CCDC158: variants seen among roughly 807,000 people sequenced by gnomAD.
The protein encoded by CCDC158 is coiled-coil domain containing 158.
A neutral mutation model predicts 138.6 loss-of-function variants in CCDC158; 116 were observed. The ratio of observed to expected loss-of-function variants is 0.84; its 90% CI spans 0.72 to 0.98. The LOEUF (loss-of-function observed/expected upper bound fraction) is 0.98, where lower values mean the gene tolerates loss of function less well. Among genes scored for constraint, CCDC158 ranks in the 50% least tolerant of loss-of-function variants. The pLI, the probability that CCDC158 is intolerant of heterozygous loss-of-function variation, is 0.00. For synonymous variants in CCDC158, 436 were observed against 442.4 expected, an observed-to-expected ratio of 0.99 and a Z score of 0.18; for missense variants, 1,265 against 1,306.1, an observed-to-expected ratio of 0.97 and a Z score of 0.48.
intron 9 of CCDC158, among the ~76,000 whole-genome samples, chr4:76,377,724 AC>A (rs751321263): frequency 2.6e-5 from 4 of 152,196 alleles, no homozygotes; most frequent in Non-Finnish European, 5.9e-5. Flanking sequence ...TGTTGAGTGT[AC>A]CCTTTAAGCA....
chr4:76,321,585 A>G (rs2110075016), intron 24 of CCDC158, among the ~76,000 whole-genome samples: 1 of 147,054 alleles, frequency 6.8e-6, no homozygotes, highest in East Asian at 2.0e-4. Context: ...CATGGTGTGT[A>G]TATATATATA....
chr4:76,387,499 C>T (rs1274644124), intron 4 of CCDC158, among the ~76,000 whole-genome samples: 1 of 151,906 alleles, frequency 6.6e-6, no homozygotes, highest in East Asian at 1.9e-4. Context: ...CCAGCCTGAC[C>T]AACATGGTGA....
At chr4:76,339,627 A>T (rs891659040) in intron 18 of CCDC158, among the ~76,000 whole-genome samples, 11 of 152,230 alleles carry the variant, frequency 7.2e-5, no homozygotes, top group Non-Finnish European at 1.6e-4. Flanking sequence ...AAGTCTTTGA[A>T]TGTTTACATA....
At position 76,384,260 on chromosome 4, in the gene CCDC158, A is replaced by T. The variant is rs1560456369; in HGVS notation, c.554T>A (p.Val185Glu). The change falls in exon 6 of 25, where the codon GTG (valine) becomes GAG (glutamate). Residue 185 changes from valine to glutamate, a missense_variant. Transcript: ENST00000682701. ...LRKMMLSHEG[V>E]LQEIRSILVD... is the part of the protein sequence containing the mutation. ...TAGGATTGACCGGATTTCTTGAAGC[A>T]CTCCCTCATGACTAAGCATCATTTT... 2.5e-6 allele frequency: 4 copies of T among 1,613,678 alleles called. No individual in the cohort carries two copies. The highest frequency in any genetic ancestry group is 3.4e-6 in the Non-Finnish European group (4 of 1,179,920).
intron 23 of CCDC158, among the ~76,000 whole-genome samples, chr4:76,325,191 G>A (rs941535448): frequency 2.6e-5 from 4 of 152,232 alleles, no homozygotes; most frequent in African/African-American, 9.6e-5. Flanking sequence ...TTAGGATCTA[G>A]AAATGTGTAA....
chr4:76,344,809 A>G (rs946969050), intron 18 of CCDC158: 11 of 1,603,246 alleles, frequency 6.9e-6, no homozygotes, highest in Non-Finnish European at 9.4e-6. Context: ...GGTCCTCGAG[A>G]GAAGATGCAG....
At chr4:76,317,299 C>G (rs975347948) in intron 24 of CCDC158, among the ~76,000 whole-genome samples, 2 of 151,956 alleles carry the variant, frequency 1.3e-5, no homozygotes, top group African/African-American at 4.8e-5. Flanking sequence ...ATATTCCATG[C>G]AAATGGATAC....
rs192788933 is a variant in CCDC158, at chr4:76,390,084, G to A, written c.289-5419C>T. Among the ~76,000 whole-genome samples the A allele has an allele frequency of 1.6e-3, 240 of 152,234 alleles. 2 individuals are homozygous for A. Among genetic ancestry groups the A allele is most frequent in the African/African-American group, 5.5e-3 (227 of 41,552 alleles). ...AACAATATAACACTGTAATTGTGGT[G>A]TGTAAACTTCTCTTAAGTAGAAAGG... is the stretch of plus-strand genomic sequence containing the variant. On this transcript the variant is annotated intron_variant, in intron 4 of 24. Coordinates refer to ENST00000682701, the MANE Select transcript of CCDC158 (RefSeq NM_001394954.1).
At chr4:76,356,112 T>A (rs1723535198) in intron 14 of CCDC158, among the ~76,000 whole-genome samples, 1 of 152,122 alleles carries the variant, frequency 6.6e-6, no homozygotes, top group African/African-American at 2.4e-5. Context: ...TTGAGTCCAG[T>A]CTGGCTATAA....
rs1263394788 is a variant in CCDC158, at chr4:76,325,863, C to G, written c.3163G>C (p.Val1055Leu). 1.9e-6 allele frequency: 3 copies of G among 1,607,682 alleles called. No individual in the cohort carries two copies. Among genetic ancestry groups the G allele is most frequent in the Admixed American group, 3.4e-5 (2 of 58,650 alleles). Residue 1055 changes from valine to leucine, a missense_variant, in exon 23 of 25, where the codon GTT becomes CTT. Physicochemically the swap from Val to Leu is conservative, Grantham distance 32 (BLOSUM62 1). Coordinates refer to ENST00000682701, the MANE Select transcript of CCDC158 (RefSeq NM_001394954.1). ...SAKPIHSSDS[V>L]KDSQSPPIET... ...GATATCAGATCTTTCTTACCTTTAA[C>G]AGAATCAGATGAATGAATAGGTTTG...
intron 18 of CCDC158, among the ~76,000 whole-genome samples, chr4:76,336,200 A>C (rs1047384281): frequency 2.0e-5 from 3 of 150,730 alleles, no homozygotes; most frequent in Admixed American, 6.6e-5. Flanking sequence ...AAAAAAAAAA[A>C]AAAAAAAAAC....
intron 24 of CCDC158, among the ~76,000 whole-genome samples, chr4:76,319,539 A>C (rs2110069732): frequency 7.3e-6 from 1 of 136,536 alleles, no homozygotes; most frequent in South Asian, 2.4e-4. Context: ...GCAAAAATCC[A>C]CAACAAAATA....
Position 76,367,722 on chromosome 4 carries a change from C to A in CCDC158, c.1402G>T (p.Ala468Ser), listed in dbSNP as rs769505182. ...ATCTCTTTGGTGGATTCAAGCTGAG[C>A]AGTCAAGGAGGATACTTTTTCTAGA... ...ESLEKVSSLT[A>S]QLESTKEMLR... The change falls in exon 12 of 25, where the codon GCT becomes TCT. Residue 468 changes from alanine to serine, a missense_variant. Transcript: ENST00000682701. 4 of 1,613,722 alleles carry A rather than the reference C, an allele frequency of 2.5e-6. No individual in the cohort carries two copies. Among genetic ancestry groups the A allele is most frequent in the South Asian group, 2.2e-5 (2 of 91,066 alleles).
At position 76,351,967 on chromosome 4, in the gene CCDC158, G is replaced by T. The variant is rs1452037977; in HGVS notation, c.2446-155C>A. On this transcript the variant is annotated intron_variant, in intron 16 of 24. Coordinates refer to ENST00000682701, the MANE Select transcript of CCDC158 (RefSeq NM_001394954.1). ...GATCTATTTATCTGTTTTATTTAGT[G>T]AACTGTGAGCAACTGGAGGCCATGT... is the stretch of plus-strand genomic sequence containing the variant. The T allele has an allele frequency of 1.6e-5, 9 of 554,794 alleles. No individual in the cohort carries two copies. The Admixed American group carries it at 1.7e-4, about 10-fold the overall frequency. The allele number at this position is 554,794 out of a possible 1,614,324, so 34.4% of individuals were successfully genotyped here. A position where few individuals can be genotyped will look rare whatever the true frequency, so the allele number is the denominator to read the frequency against.
intron 17 of CCDC158, 87 bp from the exon 18 acceptor site, chr4:76,351,208 C>T: frequency 6.3e-6 from 8 of 1,264,900 alleles, no homozygotes; most frequent in Non-Finnish European, 8.7e-6. Context: ...TTTGATTTCA[C>T]AGGCAAAATC....
rs11933177 is a variant in CCDC158, at chr4:76,353,153, C to G, written c.2415G>C (p.Lys805Asn). 2.1e-3 allele frequency: 3,445 copies of G among 1,612,832 alleles called. 2 individuals carry two copies. The highest frequency in any genetic ancestry group is 2.7e-3 in the Non-Finnish European group (3,147 of 1,179,510). The change falls in exon 16 of 25, where the codon AAG (lysine) becomes AAC (asparagine). Residue 805 changes from lysine (K) to asparagine (N), a missense_variant. Coordinates refer to ENST00000682701, the MANE Select transcript of CCDC158 (RefSeq NM_001394954.1). ...LRSQERRLKE[K>N]VTNMEVALDK... ...CCAGAGCCACTTCCATATTAGTAAC[C>G]TTTTCTTTCAAACGGCGTTCCTGAG...
intron 13 of CCDC158, among the ~76,000 whole-genome samples, chr4:76,359,224 T>A (rs530075126): frequency 6.6e-6 from 1 of 152,226 alleles, no homozygotes; most frequent in South Asian, 2.1e-4. Flanking sequence ...GAACTGTGAG[T>A]CAATTAAACC....
intron 15 of CCDC158, among the ~76,000 whole-genome samples, chr4:76,355,100 C>A (rs1433542123): frequency 6.6e-6 from 1 of 152,118 alleles, no homozygotes; most frequent in Non-Finnish European, 1.5e-5. Flanking sequence ...TCATTCCTTG[C>A]CTCTACCAAG....
intron 1 of CCDC158, among the ~76,000 whole-genome samples, chr4:76,412,827 T>C (rs1000820242): frequency 2.0e-5 from 3 of 152,190 alleles, no homozygotes; most frequent in African/African-American, 7.2e-5. Context: ...TTATATGCTA[T>C]TGGCCCAATT....
Sources: allele counts gnomAD v4.1 joint callset (sites outside exome capture counted in the v4.1 genomes callset), GRCh38; gene constraint gnomAD v4.1.1; transcripts MANE v1.5; gene names NCBI Gene and HGNC (gene_info 2026-07-23, HGNC 2026-07-21).